Variants in ESYT2 observed in about 807,000 individuals in gnomAD.
The protein encoded by ESYT2 is extended synaptotagmin-2.
Under a neutral mutation model 107.2 loss-of-function variants are expected in ESYT2, and 54 were observed. That is an observed-to-expected ratio of 0.50 (90% CI 0.40 to 0.63). The LOEUF is 0.63. Among genes scored for constraint, ESYT2 ranks in the 30% least tolerant of loss-of-function variants. ESYT2 has a pLI of 0.00. For missense variants in ESYT2, 1,020 were observed against 1,094.5 expected (o/e 0.93, Z 0.96); for synonymous variants, 491 against 434.1 (o/e 1.13, Z -1.63).
chr7:158,765,133 C>T (rs1264330656), intron 8 of ESYT2, among the ~76,000 whole-genome samples: 1 of 152,106 alleles, frequency 6.6e-6, no homozygotes, highest in African/African-American at 2.4e-5. Context: ...TCCACAGAGA[C>T]ACGAGGACAG....
intron 1 of ESYT2, among the ~76,000 whole-genome samples, chr7:158,805,550 C>G (rs914641375): frequency 3.9e-5 from 6 of 152,050 alleles, no homozygotes; most frequent in African/African-American, 1.4e-4. Flanking sequence ...AAAAAGCAGG[C>G]CATCAATTAA....
intron 1 of ESYT2, among the ~76,000 whole-genome samples, chr7:158,826,415 G>A (rs186906751): frequency 4.8e-4 from 73 of 152,172 alleles, no homozygotes; most frequent in Admixed American, 9.2e-4. Flanking sequence ...AAACATTCTG[G>A]AGAAAATATA....
intron 16 of ESYT2, chr7:158,744,122 G>A: frequency 6.5e-6 from 1 of 154,072 alleles, no homozygotes; most frequent in East Asian, 1.9e-4. Context: ...CTGTAAGAAA[G>A]ATATTTTTAA....
intron 1 of ESYT2, among the ~76,000 whole-genome samples, chr7:158,806,629 C>T (rs1272835094): frequency 6.6e-6 from 1 of 152,142 alleles, no homozygotes; most frequent in Admixed American, 6.5e-5. Context: ...GAATATTTTT[C>T]AAAGATTTGA....
At chr7:158,817,228 T>C (rs1318460155) in intron 1 of ESYT2, among the ~76,000 whole-genome samples, 2 of 152,170 alleles carry the variant, frequency 1.3e-5, no homozygotes, top group African/African-American at 4.8e-5. Flanking sequence ...GACTTAAGAC[T>C]GACAGAACTG....
intron 1 of ESYT2, among the ~76,000 whole-genome samples, chr7:158,808,905 G>C (rs1839909525): frequency 6.6e-6 from 1 of 152,088 alleles, no homozygotes; most frequent in South Asian, 2.1e-4. Flanking sequence ...GAACTCGGGT[G>C]GCAGAGGTTG....
At chr7:158,792,535 A>AAAAC (rs34065665) in intron 4 of ESYT2, among the ~76,000 whole-genome samples, 18,996 of 148,870 alleles carry the variant, frequency 0.13, 1,370 homozygotes, top group African/African-American at 0.2. Context: ...GTCAAAAACA[A>AAAAC]AAAAAAAACC....
At chr7:158,825,208 G>C (rs988031617) in intron 1 of ESYT2, among the ~76,000 whole-genome samples, 1 of 152,176 alleles carries the variant, frequency 6.6e-6, no homozygotes, top group Non-Finnish European at 1.5e-5. Flanking sequence ...CAGGAGAGTC[G>C]CTTAAACCCG....
chr7:158,751,052 C>T (rs768700122), intron 14 of ESYT2, among the ~76,000 whole-genome samples: 4 of 152,182 alleles, frequency 2.6e-5, no homozygotes, highest in African/African-American at 7.2e-5. Flanking sequence ...AAATTGACTG[C>T]ACCTTGTCAA....
At chr7:158,806,112 C>CGGCGCACAATGCGTAGGAGGCGCT (rs1839822169) in intron 1 of ESYT2, among the ~76,000 whole-genome samples, 1 of 39,622 alleles carries the variant, frequency 2.5e-5, no homozygotes, top group African/African-American at 6.1e-5. Flanking sequence ...TGGGAGGCGC[C>CGGCGCACAATGCGTAGGAGGCGCT]GGGGCACACC....
chr7:158,787,631 TCA>T (rs1045365616), intron 6 of ESYT2, among the ~76,000 whole-genome samples: 1 of 152,176 alleles, frequency 6.6e-6, no homozygotes, highest in Non-Finnish European at 1.5e-5. Flanking sequence ...TTTCAAAATC[TCA>T]GTTTCTGAAC....
chr7:158,757,435 T>C (rs780531090), intron 13 of ESYT2, among the ~76,000 whole-genome samples: 9 of 152,216 alleles, frequency 5.9e-5, no homozygotes, highest in Non-Finnish European at 7.3e-5. Context: ...GTAGATGCCC[T>C]TAGGGCAGTG....
chr7:158,746,127 T>G (rs1837391549), intron 16 of ESYT2, among the ~76,000 whole-genome samples: 1 of 152,080 alleles, frequency 6.6e-6, no homozygotes, highest in Non-Finnish European at 1.5e-5. Context: ...ACGTCTGTAA[T>G]CCCAGCACTT....
rs1027022153 is a variant in ESYT2, at chr7:158,760,067, G to T, written c.1314C>A (p.Asn438Lys). The T allele has an allele frequency of 1.1e-5, 17 of 1,614,066 alleles. No homozygotes were observed. The highest frequency in any genetic ancestry group is 1.4e-5 in the Non-Finnish European group (16 of 1,180,024). ...CATGCTTCAACAGCACCTTGTCGAGGTTTGACGCATTTGGCATTAACGTGA... is the reference window on the plus strand; with the variant it reads ...CATGCTTCAACAGCACCTTGTCGAGTTTTGACGCATTTGGCATTAACGTGA... Reference protein sequence around the residue: ...EWLTLMPNASNLDKVLTDIKA... With the variant: ...EWLTLMPNASKLDKVLTDIKA... The change falls in exon 12 of 23, where the codon AAC becomes AAA. Residue 438 changes from asparagine (N) to lysine (K), a missense_variant. Asn to Lys is a moderately conservative substitution (Grantham distance 94). Transcript: ENST00000275418.
chr7:158,739,197 G>A (rs7780879), intron 18 of ESYT2, 76 bp from the exon 19 acceptor site: 237,839 of 1,219,418 alleles, frequency 0.2, 28,302 homozygotes, highest in East Asian at 0.57. Flanking sequence ...CACTGTACAC[G>A]ATAAAATAAT....
intron 5 of ESYT2, 80 bp from the exon 6 acceptor site, chr7:158,788,173 T>C: frequency 1.5e-6 from 2 of 1,292,352 alleles, no homozygotes; most frequent in Non-Finnish European, 2.2e-6. Context: ...TGCATGCGAA[T>C]CTTAGTAACT....
chr7:158,794,062 G>GT (rs1302266894), intron 3 of ESYT2, among the ~76,000 whole-genome samples: 1 of 152,236 alleles, frequency 6.6e-6, no homozygotes, highest in Non-Finnish European at 1.5e-5. Flanking sequence ...GTAACAATAC[G>GT]TATGTGCTCT....
intron 16 of ESYT2, among the ~76,000 whole-genome samples, chr7:158,746,203 A>C (rs1284511438): frequency 1.3e-5 from 2 of 148,430 alleles, no homozygotes; most frequent in African/African-American, 5.0e-5. Flanking sequence ...CAATGTGGTG[A>C]AACCGCATCT....
intron 14 of ESYT2, among the ~76,000 whole-genome samples, chr7:158,751,232 G>A (rs1206695430): frequency 1.3e-5 from 2 of 152,100 alleles, no homozygotes; most frequent in African/African-American, 4.8e-5. Flanking sequence ...ACCTGTCAGT[G>A]ACATGATAAA....
Sources: allele counts gnomAD v4.1 joint callset (sites outside exome capture counted in the v4.1 genomes callset), GRCh38; gene constraint gnomAD v4.1.1; transcripts MANE v1.5; gene names NCBI Gene and HGNC (gene_info 2026-07-23, HGNC 2026-07-21).